Variants in RBFOX3 observed in about 807,000 individuals in gnomAD.
RBFOX3 encodes the protein RNA binding fox-1 homolog 3, also known as RNA binding protein fox-1 homolog 3.
In RBFOX3, 17 loss-of-function variants were observed where a neutral mutation model predicts 48.7. The ratio of observed to expected loss-of-function variants is 0.35; its 90% CI spans 0.24 to 0.52. The LOEUF is 0.52. Ranked by LOEUF, RBFOX3 falls within the 20% of genes least tolerant of loss-of-function variation. RBFOX3 has a pLI of 0.94. For missense variants in RBFOX3, 382 were observed against 497.5 expected, an observed-to-expected ratio of 0.77 and a Z score of 2.21; for synonymous variants, 212 against 209.5, an observed-to-expected ratio of 1.01 and a Z score of -0.10.
chr17:79,094,232 C>T (rs1444916675), intron 14 of RBFOX3: 7 of 473,884 alleles, frequency 1.5e-5, no homozygotes, highest in East Asian at 7.1e-5. Context: ...CCAGATGGTA[C>T]GGTGGGCTGA....
intron 2 of RBFOX3, among the ~76,000 whole-genome samples, chr17:79,318,093 A>G (rs1407322718): frequency 2.0e-5 from 3 of 152,198 alleles, no homozygotes; most frequent in African/African-American, 7.2e-5. Context: ...TGCTGCTGAC[A>G]AAGTTGCTGA....
chr17:79,402,843 C>G (rs2062987884), intron 2 of RBFOX3, among the ~76,000 whole-genome samples: 1 of 152,182 alleles, frequency 6.6e-6, no homozygotes, highest in Non-Finnish European at 1.5e-5. Context: ...TTTCTCATCT[C>G]TACTATGGGG....
At chr17:79,123,350 CACA>C (rs2036273944) in intron 4 of RBFOX3, among the ~76,000 whole-genome samples, 1 of 152,142 alleles carries the variant, frequency 6.6e-6, no homozygotes, top group Admixed American at 6.5e-5. Flanking sequence ...ACTATGTACC[CACA>C]ACAATTAAAA....
At position 79,220,495 on chromosome 17, in the gene RBFOX3, C is replaced by T. The variant is rs1030566535; in HGVS notation, c.-34+15271G>A. Reference sequence around the variant, plus strand: ...GCTCGCCCATCGATGGGGTCCTGCCCGGCACTGCCCTGTCGCAGTCACTCC... The same window carrying T: ...GCTCGCCCATCGATGGGGTCCTGCCTGGCACTGCCCTGTCGCAGTCACTCC... On this transcript the variant is annotated intron_variant, in intron 4 of 14. Transcript: ENST00000693108. The surrounding 1 kb of genome is among the most constrained non-coding windows in gnomAD (Gnocchi z 5.9). Among the ~76,000 whole-genome samples, 4 of 152,078 alleles carry T rather than the reference C, an allele frequency of 2.6e-5. No individual in the cohort carries two copies. Among genetic ancestry groups the T allele is most frequent in the East Asian group, 1.9e-4 (1 of 5,170 alleles).
chr17:79,113,064 A>G (rs762004857), intron 5 of RBFOX3, among the ~76,000 whole-genome samples: 10 of 152,182 alleles, frequency 6.6e-5, no homozygotes, highest in Non-Finnish European at 7.4e-5. Context: ...CCCACTTCCT[A>G]TCCCGAAGAT....
In RBFOX3 at chr17:79,368,694, C is replaced by T. The variant is rs528700927; in HGVS notation, c.-174-60870G>A. On this transcript the variant is annotated intron_variant, in intron 2 of 14. Coordinates refer to ENST00000693108, the MANE Select transcript of RBFOX3 (RefSeq NM_001350451.2). Reference sequence around the variant, plus strand: ...ACCCAGAGGTCCTCGCACACCAGCCCGATGCTGGTCCGAGGCCCCACGCTC... The same window carrying T: ...ACCCAGAGGTCCTCGCACACCAGCCTGATGCTGGTCCGAGGCCCCACGCTC... Among the ~76,000 whole-genome samples, 25 of 152,280 alleles carry T rather than the reference C, an allele frequency of 1.6e-4. No homozygotes were observed. The East Asian group carries it at 4.1e-3, about 25-fold the overall frequency.
intron 3 of RBFOX3, among the ~76,000 whole-genome samples, chr17:79,256,995 C>A (rs969322946): frequency 1.3e-5 from 2 of 151,946 alleles, no homozygotes; most frequent in African/African-American, 4.8e-5. Flanking sequence ...AAGTTCGTGA[C>A]GCGGGTGGGA....
Position 79,238,997 on chromosome 17 carries a change from A to G in RBFOX3, c.-73-3192T>C, listed in dbSNP as rs186127576. 1.8e-3 allele frequency among the ~76,000 whole-genome samples: 277 copies of G among 152,234 alleles called. 1 individual carries two copies. Among genetic ancestry groups the G allele is most frequent in the African/African-American group, 6.5e-3 (269 of 41,550 alleles). On this transcript the variant is annotated intron_variant, in intron 3 of 14. Coordinates refer to ENST00000693108, the MANE Select transcript of RBFOX3 (RefSeq NM_001350451.2). ...TCCTCCATCGTTTCACAGAACCTCC[A>G]GGGTCACGAAATTCCCTGCACCTCC...
chr17:79,448,269 C>A (rs1296501466), intron 2 of RBFOX3, among the ~76,000 whole-genome samples: 1 of 152,170 alleles, frequency 6.6e-6, no homozygotes, highest in Non-Finnish European at 1.5e-5. Context: ...AACCTTTGGA[C>A]ACTGTAGTAG....
At chr17:79,380,451 C>A (rs2059763241) in intron 2 of RBFOX3, among the ~76,000 whole-genome samples, 1 of 152,240 alleles carries the variant, frequency 6.6e-6, no homozygotes, top group African/African-American at 2.4e-5. Context: ...GACCTGCTGA[C>A]CGTGGCCCTG....
chr17:79,349,589 T>C (rs1193499380), intron 2 of RBFOX3, among the ~76,000 whole-genome samples: 3 of 152,064 alleles, frequency 2.0e-5, no homozygotes, highest in Non-Finnish European at 4.4e-5. Flanking sequence ...CACTCTTTCA[T>C]GTTTCCACTG....
intron 2 of RBFOX3, among the ~76,000 whole-genome samples, chr17:79,454,899 C>T (rs1170702003): frequency 2.0e-5 from 3 of 152,222 alleles, no homozygotes; most frequent in East Asian, 3.9e-4. Context: ...GGTTTGGGGG[C>T]CCTGCACCCA....
At chr17:79,430,257 T>C (rs536633962) in intron 2 of RBFOX3, among the ~76,000 whole-genome samples, 106 of 144,776 alleles carry the variant, frequency 7.3e-4, no homozygotes, top group Middle Eastern at 3.6e-3. Flanking sequence ...TGAACCTGTC[T>C]AAAACATCTT....
At chr17:79,109,541 G>A (rs947555687) in intron 5 of RBFOX3, among the ~76,000 whole-genome samples, 13 of 152,224 alleles carry the variant, frequency 8.5e-5, no homozygotes, top group Admixed American at 3.3e-4. Flanking sequence ...CTAGACCTCC[G>A]GAGGGGACGA....
rs2075643307 is a variant in RBFOX3, at chr17:79,097,689, T to C, written c.622+3A>G. 5.8e-6 allele frequency: 9 copies of C among 1,550,430 alleles called. No homozygotes were observed. Among genetic ancestry groups the C allele is most frequent in the Non-Finnish European group, 7.9e-6 (9 of 1,146,420 alleles). Reference sequence around the variant, plus strand: ...CCCATCCCCGCCCCGCCCCAGCTTTTACCTGCATAGAATTCAGGCCCGTAG... The same window carrying C: ...CCCATCCCCGCCCCGCCCCAGCTTTCACCTGCATAGAATTCAGGCCCGTAG... On this transcript the variant is annotated splice_donor_region_variant and intron_variant, in intron 10 of 14. Transcript: ENST00000693108.
At chr17:79,579,885 G>GCGCTGTGGTGGGGGGT (rs2092996213) in intron 1 of RBFOX3, among the ~76,000 whole-genome samples, 1 of 104,170 alleles carries the variant, frequency 9.6e-6, no homozygotes, top group African/African-American at 3.9e-5. Flanking sequence ...GGGGTCACTG[G>GCGCTGTGGTGGGGGGT]CACTGTGGTG....
chr17:79,651,545 C>T, the RBFOX3 span, among the ~76,000 whole-genome samples: 5 of 151,880 alleles, frequency 3.3e-5, no homozygotes, highest in African/African-American at 1.2e-4. Flanking sequence ...ATGGCACTTC[C>T]GAGATTAAGC....
At chr17:79,188,703 A>AT in intron 4 of RBFOX3, among the ~76,000 whole-genome samples, 1 of 152,240 alleles carries the variant, frequency 6.6e-6, no homozygotes, top group South Asian at 2.1e-4. Flanking sequence ...AGCTTTATTT[A>AT]TTTTAAATGA....
At chr17:79,133,176 G>A (rs956442452) in intron 4 of RBFOX3, among the ~76,000 whole-genome samples, 3 of 152,174 alleles carry the variant, frequency 2.0e-5, no homozygotes, top group Non-Finnish European at 4.4e-5. Context: ...GGGGAGCAAG[G>A]GTTCTGAGAT....
Sources: allele counts gnomAD v4.1 joint callset (sites outside exome capture counted in the v4.1 genomes callset), GRCh38; gene constraint gnomAD v4.1.1; non-coding constraint Gnocchi (gnomAD v3.1); transcripts MANE v1.5; gene names NCBI Gene and HGNC (gene_info 2026-07-23, HGNC 2026-07-21).